MAP4K5: variants seen among roughly 807,000 people sequenced by gnomAD.
The protein encoded by MAP4K5 is mitogen-activated protein kinase kinase kinase kinase 5.
In MAP4K5, 82 loss-of-function variants were observed where a neutral mutation model predicts 135.6. That is an observed-to-expected ratio of 0.60 (90% confidence interval 0.51 to 0.73). MAP4K5 has a LOEUF of 0.73. MAP4K5 is among the 30% of genes least tolerant of loss of function. The probability of loss-of-function intolerance (pLI) is 0.00; values close to 1 mark genes in which losing one functional copy is unlikely to be tolerated. For missense variants in MAP4K5, 907 were observed against 1,010.9 expected (o/e 0.90, Z 1.39); for synonymous variants, 347 against 335.0 (o/e 1.04, Z -0.39).
chr14:50,479,008 T>TCG lies in MAP4K5; in HGVS notation c.379-2703_379-2702insCG, dbSNP rs1160959988. Among the ~76,000 whole-genome samples the TCG allele has an allele frequency of 2.5e-3, 6 of 2,406 alleles. No individual in the cohort carries two copies. The Non-Finnish European group carries it at 0.38, about 150-fold the overall frequency. 1.6% of individuals were successfully genotyped at this position (2,406 alleles called of 152,430 possible). ...GTGTCTTAGTGTAGTTTTTTTCGTT[T>TCG]TTTTTTTTTTTGTTGTTGTTGTTTT... On this transcript the variant is annotated intron_variant, in intron 6 of 32. Transcript: ENST00000682126.
chr14:50,536,471 A>G (rs2038494683), upstream of MAP4K5, among the ~76,000 whole-genome samples: 1 of 150,434 alleles, frequency 6.6e-6, no homozygotes, highest in Non-Finnish European at 1.5e-5. Flanking sequence ...TTACCAGTAG[A>G]GTGAGATGTT....
At chr14:50,533,655 C>CACTG (rs1485038532), upstream of MAP4K5, among the ~76,000 whole-genome samples, 1 of 152,156 alleles carries the variant, frequency 6.6e-6, no homozygotes, top group African/African-American at 2.4e-5. Context: ...AACACTCAGC[C>CACTG]ACTGCATTTA....
intron 28 of MAP4K5, among the ~76,000 whole-genome samples, chr14:50,431,248 ATTTAT>A (rs1394896791): frequency 6.6e-6 from 1 of 151,406 alleles, no homozygotes; most frequent in Admixed American, 6.6e-5. Context: ...TATCTTTTTT[ATTTAT>A]TTATTTATTA....
chr14:50,499,466 T>C (rs1396551103), intron 3 of MAP4K5, among the ~76,000 whole-genome samples: 1 of 152,104 alleles, frequency 6.6e-6, no homozygotes, highest in Non-Finnish European at 1.5e-5. Flanking sequence ...AAGACCAACC[T>C]GGACAACATG....
At chr14:50,557,318 A>G (rs948169625) in intron 1 of MAP4K5, among the ~76,000 whole-genome samples, 8 of 152,082 alleles carry the variant, frequency 5.3e-5, no homozygotes, top group African/African-American at 1.9e-4. Context: ...CATTATTTCT[A>G]CCCTATTCCC....
intron 18 of MAP4K5, among the ~76,000 whole-genome samples, chr14:50,444,750 C>A (rs1418157196): frequency 1.3e-5 from 2 of 151,748 alleles, no homozygotes; most frequent in African/African-American, 4.8e-5. Flanking sequence ...TGCTGTAGAC[C>A]CTGAAGTTCT....
At chr14:50,558,205 C>G (rs1300630801) in intron 1 of MAP4K5, among the ~76,000 whole-genome samples, 1 of 152,006 alleles carries the variant, frequency 6.6e-6, no homozygotes, top group African/African-American at 2.4e-5. Flanking sequence ...TCTCTACATA[C>G]AAAAACAGCC....
chr14:50,485,725 C>T, intron 4 of MAP4K5, 83 bp from the exon 5 acceptor site: 1 of 826,000 alleles, frequency 1.2e-6, no homozygotes, highest in South Asian at 1.6e-5. Context: ...CTTTAGCACA[C>T]CAGGGTTCAG....
intron 2 of MAP4K5, among the ~76,000 whole-genome samples, chr14:50,519,401 T>C (rs2038100552): frequency 6.6e-6 from 1 of 152,166 alleles, no homozygotes; most frequent in Non-Finnish European, 1.5e-5. Context: ...ATGCCTGTAA[T>C]CCCAGCACTT....
chr14:50,469,583 G>A (rs1468980209), intron 9 of MAP4K5, among the ~76,000 whole-genome samples: 1 of 152,186 alleles, frequency 6.6e-6, no homozygotes, highest in Non-Finnish European at 1.5e-5. Flanking sequence ...AATCAGTCAG[G>A]CAGATATGTT....
chr14:50,507,744 T>C (rs1442191106), intron 2 of MAP4K5, among the ~76,000 whole-genome samples: 1 of 152,216 alleles, frequency 6.6e-6, no homozygotes. Context: ...CTTTTGCATT[T>C]GCTGAGGAGT....
intron 14 of MAP4K5, among the ~76,000 whole-genome samples, chr14:50,451,681 T>C (rs982240363): frequency 6.6e-6 from 1 of 151,928 alleles, no homozygotes; most frequent in African/African-American, 2.4e-5. Flanking sequence ...TTTTCAAAAA[T>C]AGTTATTCTG....
At chr14:50,507,604 T>C (rs2037838326) in intron 2 of MAP4K5, among the ~76,000 whole-genome samples, 1 of 152,236 alleles carries the variant, frequency 6.6e-6, no homozygotes, top group South Asian at 2.1e-4. Flanking sequence ...TTTCGTTATG[T>C]ACCCAGTAGT....
chr14:50,507,308 G>A (rs929898508), intron 2 of MAP4K5, among the ~76,000 whole-genome samples: 1 of 152,116 alleles, frequency 6.6e-6, no homozygotes. Flanking sequence ...ACCAGCTCCT[G>A]GATTCACTGA....
chr14:50,454,609 G>A (rs766189349), intron 14 of MAP4K5, among the ~76,000 whole-genome samples: 8 of 152,100 alleles, frequency 5.3e-5, no homozygotes, highest in South Asian at 2.1e-4. Context: ...CTACTCTACC[G>A]CTTTGTCTGG....
chr14:50,520,288 C>T lies in MAP4K5; in HGVS notation c.108+11654G>A, dbSNP rs112540805. On this transcript the variant is annotated intron_variant, in intron 2 of 32. Transcript: ENST00000682126. ...CCAAGGTGGACACATCACCTGAGGT[C>T]GGTAGTTCAAGACCAGCCTGGGCAA... Among the ~76,000 whole-genome samples, 6 of 152,224 alleles carry T rather than the reference C, an allele frequency of 3.9e-5. 1 individual carries two copies. The highest frequency in any genetic ancestry group is 2.1e-4 in the South Asian group (1 of 4,814).
chr14:50,447,525 G>A (rs746462499), intron 15 of MAP4K5, 44 bp from the exon 16 acceptor site: 1 of 1,046,956 alleles, frequency 9.6e-7, no homozygotes, highest in Non-Finnish European at 1.4e-6. Flanking sequence ...TTTGTAACAG[G>A]TATTAACCAT....
upstream of MAP4K5, among the ~76,000 whole-genome samples, chr14:50,536,291 C>A (rs1411751453): frequency 6.6e-6 from 1 of 152,084 alleles, no homozygotes; most frequent in Non-Finnish European, 1.5e-5. Flanking sequence ...ACAAAATTAG[C>A]CAGGCATGGT....
At chr14:50,560,246 C>T in intron 1 of MAP4K5, 1 of 1,613,734 alleles carries the variant, frequency 6.2e-7, no homozygotes, top group Non-Finnish European at 8.5e-7. Context: ...CGCCTCACCG[C>T]CACCAGCTCC....
Sources: allele counts gnomAD v4.1 joint callset (sites outside exome capture counted in the v4.1 genomes callset), GRCh38; gene constraint gnomAD v4.1.1; transcripts MANE v1.5; gene names NCBI Gene and HGNC (gene_info 2026-07-23, HGNC 2026-07-21).